The following SPATA6L variants were observed in gnomAD, a reference collection of about 807,000 sequenced individuals.
The protein encoded by SPATA6L is spermatogenesis associated 6 like, also known as spermatogenesis associated 6-like protein.
Under a neutral mutation model 49.2 loss-of-function variants are expected in SPATA6L, and 68 were observed. The observed-to-expected ratio is 1.38, with a 90% CI of 1.14 to 1.69. SPATA6L has a LOEUF of 1.69. Ranked by LOEUF, SPATA6L falls within the 40% of genes most tolerant of loss-of-function variation. The pLI is 0.00. For missense variants in SPATA6L, 668 were observed against 464.3 expected (o/e 1.44, Z -4.03); for synonymous variants, 198 against 165.7 (o/e 1.19, Z -1.50).
At chr9:4,660,633 A>G (rs975477806) in intron 2 of SPATA6L, among the ~76,000 whole-genome samples, 4 of 152,360 alleles carry the variant, frequency 2.6e-5, no homozygotes, top group African/African-American at 9.6e-5. Context: ...TGATTCCTCA[A>G]GGATCTAGAA....
chr9:4,661,652 A>G (rs555134518), intron 2 of SPATA6L, among the ~76,000 whole-genome samples: 93 of 152,318 alleles, frequency 6.1e-4, no homozygotes, highest in African/African-American at 2.0e-3. Context: ...CAGTTAAAAA[A>G]ATGCCATGGG....
intron 11 of SPATA6L, among the ~76,000 whole-genome samples, chr9:4,601,628 A>T (rs1003135485): frequency 6.6e-6 from 1 of 152,060 alleles, no homozygotes; most frequent in African/African-American, 2.4e-5. Context: ...TCTCCCTGAG[A>T]TCTCGAGATC....
intron 3 of SPATA6L, among the ~76,000 whole-genome samples, chr9:4,654,141 C>T (rs935255187): frequency 1.3e-5 from 2 of 152,200 alleles, no homozygotes; most frequent in South Asian, 4.1e-4. Flanking sequence ...ATCAAAATGA[C>T]AGACAATAAC....
chr9:4,660,779 C>T (rs534641167), intron 2 of SPATA6L, among the ~76,000 whole-genome samples: 88 of 152,342 alleles, frequency 5.8e-4, no homozygotes, highest in African/African-American at 2.1e-3. Flanking sequence ...TTGGAACCAA[C>T]CCAAATGTCC....
intron 3 of SPATA6L, among the ~76,000 whole-genome samples, chr9:4,648,568 C>T (rs1053370023): frequency 1.3e-4 from 20 of 151,812 alleles, no homozygotes; most frequent in Admixed American, 2.6e-4. Context: ...GGCGTGGTGG[C>T]GGGAGCCTGT....
At chr9:4,624,268 T>C (rs1377335202) in intron 6 of SPATA6L, among the ~76,000 whole-genome samples, 1 of 152,220 alleles carries the variant, frequency 6.6e-6, no homozygotes, top group East Asian at 1.9e-4. Flanking sequence ...CTAATCTGTA[T>C]ATACAGTATA....
intron 8 of SPATA6L, 28 bp from the exon 9 acceptor site, chr9:4,618,138 G>A: frequency 6.4e-7 from 1 of 1,563,400 alleles, no homozygotes; most frequent in Non-Finnish European, 8.7e-7. Flanking sequence ...TTATTTAGTT[G>A]TAATTTTGCT....
chr9:4,605,291 T>C (rs1274347653), intron 10 of SPATA6L, 56 bp downstream of exon 10: 1 of 1,343,354 alleles, frequency 7.4e-7, no homozygotes, highest in Non-Finnish European at 1.1e-6. Context: ...AGACTGTAGG[T>C]CCCTGTTCAC....
chr9:4,624,073 C>T (rs1318976401), intron 6 of SPATA6L, among the ~76,000 whole-genome samples: 1 of 152,216 alleles, frequency 6.6e-6, no homozygotes, highest in Non-Finnish European at 1.5e-5. Context: ...AATTCATAGT[C>T]TCTGCCTAAT....
intron 3 of SPATA6L, among the ~76,000 whole-genome samples, chr9:4,652,671 G>A (rs532479489): frequency 1.1e-4 from 16 of 151,258 alleles, no homozygotes; most frequent in East Asian, 3.9e-4. Context: ...CAGAAACCCC[G>A]TTTCTACTAA....
intron 9 of SPATA6L, among the ~76,000 whole-genome samples, chr9:4,607,812 A>T (rs1488553848): frequency 3.9e-5 from 6 of 152,050 alleles, no homozygotes. Flanking sequence ...TTTAAATGTA[A>T]ATGGACTAAA....
Position 4,666,418 on chromosome 9 carries a change from C to T in SPATA6L, c.-168G>A, listed in dbSNP as rs1355428726. On this transcript the variant is annotated 5_prime_UTR_variant, in exon 1 of 12. Coordinates refer to ENST00000682582, the MANE Select transcript of SPATA6L (RefSeq NM_001353486.2). ...CCCCCCCAGCCCAGGTCCCTCCCAC[C>T]GGGACGGGTCTCTCACACTCGAAGC... The T allele has an allele frequency of 2.9e-6, 2 of 684,734 alleles. No homozygotes were observed. Among genetic ancestry groups the T allele is most frequent in the Non-Finnish European group, 5.2e-6 (2 of 385,796 alleles). The allele number at this position is 684,734 out of a possible 1,614,324, so 42.4% of individuals were successfully genotyped here. A position where few individuals can be genotyped will look rare whatever the true frequency, so the allele number is the denominator to read the frequency against.
rs1378654253 is a variant in SPATA6L at position 4,610,304 on chromosome 9, T to A, written c.996-4864A>T. Among the ~76,000 whole-genome samples, 31 of 148,822 alleles carry A rather than the reference T, an allele frequency of 2.1e-4. No individual in the cohort carries two copies. The Admixed American group carries it at 2.1e-3, about 10-fold the overall frequency. ...AGAATTGGAAAAAACTACTTTAAAG[T>A]TCATATGGAACCAAAAAACAGCCCG... On this transcript the variant is annotated intron_variant, in intron 9 of 11. Coordinates refer to ENST00000682582, the MANE Select transcript of SPATA6L (RefSeq NM_001353486.2).
intron 9 of SPATA6L, among the ~76,000 whole-genome samples, chr9:4,616,006 C>T (rs150915585): frequency 2.9e-4 from 44 of 152,246 alleles, no homozygotes; most frequent in African/African-American, 9.9e-4. Context: ...AAGCCAGGCA[C>T]GGTGGCTCAT....
intron 13 of SPATA6L, among the ~76,000 whole-genome samples, chr9:4,590,210 C>A (rs1586887433): frequency 6.6e-6 from 1 of 152,192 alleles, no homozygotes; most frequent in African/African-American, 2.4e-5. Context: ...AGGCTTGAAC[C>A]ACCGTGCCTG....
chr9:4,601,238 T>C (rs1033047909), intron 11 of SPATA6L, among the ~76,000 whole-genome samples: 13 of 152,098 alleles, frequency 8.5e-5, no homozygotes, highest in African/African-American at 3.1e-4. Context: ...CCTTCTTTCT[T>C]CCTTTCTTTC....
At chr9:4,638,031 A>G (rs1192198329) in intron 3 of SPATA6L, among the ~76,000 whole-genome samples, 1 of 152,182 alleles carries the variant, frequency 6.6e-6, no homozygotes, top group Non-Finnish European at 1.5e-5. Flanking sequence ...TAGACACTGG[A>G]TTTACACTAG....
intron 3 of SPATA6L, among the ~76,000 whole-genome samples, chr9:4,649,182 A>G (rs1383785193): frequency 6.6e-6 from 1 of 152,186 alleles, no homozygotes; most frequent in Non-Finnish European, 1.5e-5. Context: ...CTGCATAAAC[A>G]TGCGTGTGTA....
chr9:4,618,926 A>G lies in SPATA6L; in HGVS notation c.773-28T>C, dbSNP rs761653545. 7 of 1,609,196 alleles carry G rather than the reference A, an allele frequency of 4.3e-6. No individual in the cohort carries two copies. The African/African-American group carries it at 5.3e-5, about 12-fold the overall frequency. ...AGAAGAAAGAGGAACAGGCATTTCA[A>G]TGACTCATTATTACCATTTAGCCTT... On this transcript the variant is annotated intron_variant, in intron 7 of 11. Coordinates refer to ENST00000682582, the MANE Select transcript of SPATA6L (RefSeq NM_001353486.2).
Sources: gnomAD v4.1 joint callset for allele counts (sites outside exome capture counted in the v4.1 genomes callset) on GRCh38, gnomAD v4.1.1 for gene constraint, MANE v1.5 for transcripts, NCBI Gene and HGNC (gene_info 2026-07-23, HGNC 2026-07-21) for gene names.